ARHGAP24: variants seen among roughly 807,000 people sequenced by gnomAD.
ARHGAP24 encodes the protein rho GTPase-activating protein 24.
In ARHGAP24, 50 loss-of-function variants were observed where a neutral mutation model predicts 76.4. That is an observed-to-expected ratio of 0.65 (90% confidence interval 0.52 to 0.83). The LOEUF is 0.83. Among genes scored for constraint, ARHGAP24 ranks in the 40% least tolerant of loss-of-function variants. The pLI is 0.00. For synonymous variants in ARHGAP24, 345 were observed against 323.3 expected (o/e 1.07, Z -0.72); for missense variants, 930 against 914.2 (o/e 1.02, Z -0.22).
At position 85,475,534 on chromosome 4, in the gene ARHGAP24, G is replaced by C. The variant is rs1196520247; in HGVS notation, c.-46G>C. ...TTCCTTCGGAGCAGCAGCCCTGTCC[G>C]GCATCTGTCTTGAGCTCCCAGCAAG... On this transcript the variant is annotated 5_prime_UTR_variant, in exon 1 of 10. Transcript: ENST00000395184. 1 of 152,202 alleles carries C rather than the reference G, an allele frequency of 6.6e-6. No homozygotes were observed. The highest frequency in any genetic ancestry group is 1.5e-5 in the Non-Finnish European group (1 of 68,002). 9.4% of individuals were successfully genotyped at this position (152,202 alleles called of 1,614,324 possible).
At chr4:85,779,144 G>A (rs1240164917) in intron 3 of ARHGAP24, among the ~76,000 whole-genome samples, 9 of 151,920 alleles carry the variant, frequency 5.9e-5, no homozygotes, top group Non-Finnish European at 1.3e-4. Context: ...GAAACTACTC[G>A]GATTTTGCTT....
chr4:85,738,366 T>TA (rs1364807190), intron 3 of ARHGAP24, among the ~76,000 whole-genome samples: 8 of 128,136 alleles, frequency 6.2e-5, no homozygotes, highest in African/African-American at 1.5e-4. Context: ...TCATTTGGGC[T>TA]TTTATTATTA....
At chr4:85,937,791 T>C (rs1470049105) in intron 4 of ARHGAP24, among the ~76,000 whole-genome samples, 2 of 152,174 alleles carry the variant, frequency 1.3e-5, no homozygotes, top group East Asian at 3.9e-4. Flanking sequence ...AAAGCCATTT[T>C]ATTGTTTTAA....
At chr4:85,683,953 T>C (rs1723327499) in intron 2 of ARHGAP24, among the ~76,000 whole-genome samples, 2 of 152,136 alleles carry the variant, frequency 1.3e-5, no homozygotes. Flanking sequence ...CTGAATGATA[T>C]TCCATTGTAT....
intron 3 of ARHGAP24, among the ~76,000 whole-genome samples, chr4:85,822,299 A>G (rs1560651807): frequency 6.6e-6 from 1 of 152,128 alleles, no homozygotes; most frequent in Non-Finnish European, 1.5e-5. Context: ...GAAATAACAA[A>G]CCAAATAACA....
At chr4:85,788,178 G>T (rs1352117111) in intron 3 of ARHGAP24, among the ~76,000 whole-genome samples, 1 of 152,102 alleles carries the variant, frequency 6.6e-6, no homozygotes, top group Admixed American at 6.5e-5. Context: ...CCACAGACCA[G>T]ATTCCCCCTC....
At chr4:85,536,000 C>T (rs1420929449) in intron 1 of ARHGAP24, among the ~76,000 whole-genome samples, 1 of 152,096 alleles carries the variant, frequency 6.6e-6, no homozygotes, top group African/African-American at 2.4e-5. Flanking sequence ...TATACCATGA[C>T]TTAGTTTACA....
At chr4:85,925,819 G>C (rs1735990613) in intron 4 of ARHGAP24, among the ~76,000 whole-genome samples, 1 of 152,110 alleles carries the variant, frequency 6.6e-6, no homozygotes, top group Admixed American at 6.5e-5. Flanking sequence ...GGTAATGTTT[G>C]CTAGCACCTC....
At chr4:85,714,640 T>C (rs1724667906) in intron 2 of ARHGAP24, among the ~76,000 whole-genome samples, 1 of 152,154 alleles carries the variant, frequency 6.6e-6, no homozygotes, top group African/African-American at 2.4e-5. Flanking sequence ...TACGGCTTTA[T>C]TGATAGTATG....
At chr4:85,735,463 C>T (rs866661317) in intron 3 of ARHGAP24, among the ~76,000 whole-genome samples, 5 of 152,018 alleles carry the variant, frequency 3.3e-5, no homozygotes, top group African/African-American at 4.8e-5. Flanking sequence ...CCATTGATTA[C>T]ATTTTAATCC....
At chr4:85,480,042 T>C (rs1722749265) in intron 1 of ARHGAP24, among the ~76,000 whole-genome samples, 1 of 152,192 alleles carries the variant, frequency 6.6e-6, no homozygotes, top group Non-Finnish European at 1.5e-5. Context: ...TCTATCTATA[T>C]CAAATTACAT....
At chr4:85,652,589 T>C (rs1424256678) in intron 2 of ARHGAP24, among the ~76,000 whole-genome samples, 2 of 152,214 alleles carry the variant, frequency 1.3e-5, no homozygotes, top group African/African-American at 2.4e-5. Context: ...ATTTTAAGCT[T>C]TGTATTAAGA....
chr4:85,617,429 C>T (rs567016497), intron 2 of ARHGAP24, among the ~76,000 whole-genome samples: 5 of 152,046 alleles, frequency 3.3e-5, no homozygotes, highest in South Asian at 2.1e-4. Flanking sequence ...AGTGCACACG[C>T]AATCATGCAC....
chr4:85,670,222 G>A (rs973090611), intron 2 of ARHGAP24, among the ~76,000 whole-genome samples: 16 of 152,134 alleles, frequency 1.1e-4, no homozygotes, highest in African/African-American at 3.9e-4. Context: ...AAGGAGATTA[G>A]GATGTGAGAA....
At chr4:85,476,054 T>G (rs1425529785) in intron 1 of ARHGAP24, among the ~76,000 whole-genome samples, 1 of 148,100 alleles carries the variant, frequency 6.8e-6, no homozygotes, top group Non-Finnish European at 1.5e-5. Context: ...TTTTAAAATA[T>G]TTATAAATAT....
chr4:85,582,453 A>G (rs942494139), intron 2 of ARHGAP24, among the ~76,000 whole-genome samples: 1 of 152,170 alleles, frequency 6.6e-6, no homozygotes, highest in African/African-American at 2.4e-5. Flanking sequence ...AAAGATATGG[A>G]CAATCAGACT....
chr4:85,822,823 A>G (rs187650455), intron 3 of ARHGAP24, among the ~76,000 whole-genome samples: 41 of 152,314 alleles, frequency 2.7e-4, no homozygotes, highest in African/African-American at 9.6e-4. Context: ...CACACCTGCC[A>G]TATTCCCTGT....
intron 3 of ARHGAP24, among the ~76,000 whole-genome samples, chr4:85,814,811 C>G (rs561994762): frequency 1.6e-4 from 25 of 152,318 alleles, no homozygotes; most frequent in Middle Eastern, 3.4e-3. Context: ...AGTAGGGACT[C>G]TATGTGGGGG....
intron 3 of ARHGAP24, among the ~76,000 whole-genome samples, chr4:85,777,489 AT>A (rs1727350572): frequency 6.6e-6 from 1 of 152,176 alleles, no homozygotes; most frequent in African/African-American, 2.4e-5. Context: ...GGCCAGAGTG[AT>A]TTCAGTGTGG....
Sources: gnomAD v4.1 joint callset for allele counts (sites outside exome capture counted in the v4.1 genomes callset) on GRCh38, gnomAD v4.1.1 for gene constraint, MANE v1.5 for transcripts, NCBI Gene and HGNC (gene_info 2026-07-23, HGNC 2026-07-21) for gene names.